Variants in VWC2 observed in about 807,000 individuals in gnomAD.
The protein encoded by VWC2 is von Willebrand factor C domain containing 2, also known as brorin.
VWC2 carries 14 observed loss-of-function variants against 29.8 expected under a neutral mutation model. The observed-to-expected ratio is 0.47, with a 90% CI of 0.31 to 0.74. VWC2 has a LOEUF of 0.74. VWC2 is among the 30% of genes least tolerant of loss of function. The pLI is 0.05. For missense variants in VWC2, 457 were observed against 459.8 expected (o/e 0.99, Z 0.05); for synonymous variants, 213 against 199.0 (o/e 1.07, Z -0.59).
At position 49,919,053 on chromosome 7, in the gene VWC2, T is replaced by TA. The variant is rs34882788; in HGVS notation, c.*6884dup. 88,641 of 143,276 alleles carry TA rather than the reference T, an allele frequency of 0.62. 27,645 individuals carry two copies. The highest frequency in any genetic ancestry group is 0.83 in the East Asian group (4,037 of 4,856). 8.9% of individuals were successfully genotyped at this position (143,276 alleles called of 1,614,324 possible). A position where few individuals can be genotyped will look rare whatever the true frequency, so the allele number is the denominator to read the frequency against. On this transcript the variant is annotated 3_prime_UTR_variant, in exon 4 of 4. Coordinates refer to ENST00000340652, the MANE Select transcript of VWC2 (RefSeq NM_198570.5). Reference sequence around the variant, plus strand: ...CTGGGTAACAGAGCAAGACTCTGTTTAAAAAAAAAAAAAAAATCAGTGATG... The same window carrying TA: ...CTGGGTAACAGAGCAAGACTCTGTTTAAAAAAAAAAAAAAAAATCAGTGATG...
intron 2 of VWC2, among the ~76,000 whole-genome samples, chr7:49,795,706 A>T (rs1208235738): frequency 6.6e-6 from 1 of 152,178 alleles, no homozygotes; most frequent in African/African-American, 2.4e-5. Flanking sequence ...TATGTTGTGT[A>T]AGTTTGTTTT....
chr7:49,892,162 A>G (rs914676958), intron 3 of VWC2, among the ~76,000 whole-genome samples: 5 of 143,790 alleles, frequency 3.5e-5, no homozygotes, highest in Non-Finnish European at 7.5e-5. Context: ...CTCCTGCCTC[A>G]GCCTCCCGAG....
chr7:49,870,263 G>C (rs1276234946), intron 3 of VWC2, among the ~76,000 whole-genome samples: 1 of 152,140 alleles, frequency 6.6e-6, no homozygotes, highest in African/African-American at 2.4e-5. Context: ...AGCTGGGCAT[G>C]GTGGCGGGCG....
intron 3 of VWC2, among the ~76,000 whole-genome samples, chr7:49,893,400 G>A (rs1054917168): frequency 4.6e-5 from 7 of 152,124 alleles, no homozygotes; most frequent in African/African-American, 1.7e-4. Context: ...GCTGGCAGGC[G>A]TTTTCTTTTG....
chr7:49,800,507 T>G (rs1788712795), intron 2 of VWC2, among the ~76,000 whole-genome samples: 1 of 152,180 alleles, frequency 6.6e-6, no homozygotes, highest in Non-Finnish European at 1.5e-5. Flanking sequence ...CTGACCCGCT[T>G]GCTCCTTGCT....
chr7:49,878,471 A>G (rs964481025), intron 3 of VWC2, among the ~76,000 whole-genome samples: 1 of 152,048 alleles, frequency 6.6e-6, no homozygotes, highest in Non-Finnish European at 1.5e-5. Context: ...TAAATAATGT[A>G]TTTGCTCAAT....
intron 2 of VWC2, among the ~76,000 whole-genome samples, chr7:49,796,996 C>T (rs191467211): frequency 6.6e-6 from 1 of 152,260 alleles, no homozygotes; most frequent in African/African-American, 2.4e-5. Flanking sequence ...AACTCTATTA[C>T]CCACTCCTAC....
intron 3 of VWC2, among the ~76,000 whole-genome samples, chr7:49,805,518 A>G (rs753980674): frequency 1.3e-5 from 2 of 152,196 alleles, no homozygotes; most frequent in African/African-American, 4.8e-5. Flanking sequence ...GTCTCTAGTT[A>G]TAGGGTATTC....
rs373125758 is a variant in VWC2 at position 49,892,708 on chromosome 7, C to T, written c.827-19326C>T. Among the ~76,000 whole-genome samples the T allele has an allele frequency of 2.5e-4, 38 of 152,308 alleles. No individual in the cohort carries two copies. In the South Asian group the frequency reaches 7.9e-3, roughly 32 times the overall value. On this transcript the variant is annotated intron_variant, in intron 3 of 3. Coordinates refer to ENST00000340652, the MANE Select transcript of VWC2 (RefSeq NM_198570.5). ...GCTTGTGCAAGCCCCAGGGATCTGC[C>T]TCTCAGTTCTGCATATTGTGTGCAA...
At chr7:49,835,267 T>C (rs1789630953) in intron 3 of VWC2, among the ~76,000 whole-genome samples, 1 of 152,212 alleles carries the variant, frequency 6.6e-6, no homozygotes, top group Non-Finnish European at 1.5e-5. Flanking sequence ...AGTAATTATT[T>C]AGTTCAAGGA....
intron 3 of VWC2, among the ~76,000 whole-genome samples, chr7:49,875,554 T>C (rs868007313): frequency 7.2e-5 from 11 of 151,850 alleles, no homozygotes; most frequent in South Asian, 2.1e-4. Flanking sequence ...TTTTGCATGA[T>C]TGATAAGTGA....
chr7:49,775,401 T>C lies in VWC2; in HGVS notation c.-35T>C, dbSNP rs886559382. On this transcript the variant is annotated 5_prime_UTR_variant, in exon 2 of 4. Coordinates refer to ENST00000340652, the MANE Select transcript of VWC2 (RefSeq NM_198570.5). ...AATGCGACTCGCCCCTCGGCCGCGC[T>C]CCCCGCCCGCCCGCCCGCCGGGACG... The C allele has an allele frequency of 9.3e-7, 1 of 1,072,740 alleles. No homozygotes were observed. Among genetic ancestry groups the C allele is most frequent in the Non-Finnish European group, 1.2e-6 (1 of 829,168 alleles). 66.5% of individuals were successfully genotyped at this position (1,072,740 alleles called of 1,614,324 possible). A position where few individuals can be genotyped will look rare whatever the true frequency, so the allele number is the denominator to read the frequency against.
At chr7:49,880,386 A>G (rs1027430834) in intron 3 of VWC2, among the ~76,000 whole-genome samples, 2 of 151,752 alleles carry the variant, frequency 1.3e-5, no homozygotes, top group Non-Finnish European at 2.9e-5. Flanking sequence ...GGTTTCTTTC[A>G]TGTTACCATG....
intron 1 of VWC2, among the ~76,000 whole-genome samples, chr7:49,774,401 A>C (rs2128699955): frequency 6.6e-6 from 1 of 152,212 alleles, no homozygotes; most frequent in Middle Eastern, 3.4e-3. Flanking sequence ...TGAGGCGGAG[A>C]GAGGCTGGAT....
intron 3 of VWC2, among the ~76,000 whole-genome samples, chr7:49,894,934 G>A (rs1792310729): frequency 6.6e-6 from 1 of 152,200 alleles, no homozygotes. Context: ...TGTTGTGAAA[G>A]ACTTTTTTTA....
intron 2 of VWC2, among the ~76,000 whole-genome samples, chr7:49,779,821 G>GCA (rs1788135736): frequency 6.6e-6 from 1 of 152,116 alleles, no homozygotes; most frequent in South Asian, 2.1e-4. Flanking sequence ...CTCTCTCCTT[G>GCA]GCTTGCAGAT....
intron 3 of VWC2, among the ~76,000 whole-genome samples, chr7:49,882,229 G>A (rs142820445): frequency 5.4e-4 from 82 of 152,148 alleles, no homozygotes; most frequent in Non-Finnish European, 9.6e-4. Context: ...TGTTTACATG[G>A]AAGTTGTCCA....
chr7:49,852,522 G>A (rs911637502), intron 3 of VWC2, among the ~76,000 whole-genome samples: 1 of 152,076 alleles, frequency 6.6e-6, no homozygotes, highest in South Asian at 2.1e-4. Context: ...CTTAAAATTG[G>A]GGGGGCAGAA....
intron 2 of VWC2, among the ~76,000 whole-genome samples, chr7:49,799,250 G>A (rs1788677013): frequency 1.3e-5 from 2 of 152,338 alleles, no homozygotes; most frequent in South Asian, 4.1e-4. Context: ...GGTTAGGATT[G>A]GAACTGCCTC....
Sources: allele counts gnomAD v4.1 joint callset (sites outside exome capture counted in the v4.1 genomes callset), GRCh38; gene constraint gnomAD v4.1.1; transcripts MANE v1.5; gene names NCBI Gene and HGNC (gene_info 2026-07-23, HGNC 2026-07-21).